THSD4: variants seen among roughly 807,000 people sequenced by gnomAD.
THSD4 encodes thrombospondin type 1 domain containing 4, also known as thrombospondin type-1 domain-containing protein 4.
A neutral mutation model predicts 119.0 loss-of-function variants in THSD4; 69 were observed. The ratio of observed to expected loss-of-function variants is 0.58; its 90% CI spans 0.48 to 0.71. The LOEUF (loss-of-function observed/expected upper bound fraction) is 0.71. Ranked by LOEUF, THSD4 falls within the 30% of genes least tolerant of loss-of-function variation. The pLI is 0.00. For missense variants in THSD4, 1,393 were observed against 1,391.1 expected (o/e 1.00, Z -0.02); for synonymous variants, 524 against 540.4 (o/e 0.97, Z 0.42).
At chr15:71,445,910 A>C (rs1038020547) in intron 7 of THSD4, among the ~76,000 whole-genome samples, 2 of 152,248 alleles carry the variant, frequency 1.3e-5, no homozygotes, top group Non-Finnish European at 2.9e-5. Flanking sequence ...GCTGAGCTTA[A>C]TTGTGGAGAT....
chr15:71,721,698 T>A (rs1296771817), intron 8 of THSD4, among the ~76,000 whole-genome samples: 1 of 147,488 alleles, frequency 6.8e-6, no homozygotes, highest in Non-Finnish European at 1.5e-5. Flanking sequence ...AATAAAAGAT[T>A]ATGGGATTAA....
chr15:71,657,531 C>G (rs1230677752), intron 7 of THSD4, among the ~76,000 whole-genome samples: 1 of 152,166 alleles, frequency 6.6e-6, no homozygotes, highest in Non-Finnish European at 1.5e-5. Context: ...GTCCCTCTTG[C>G]TTTGTGAAGT....
chr15:71,123,880 A>G (rs2040430861), intron 1 of THSD4, among the ~76,000 whole-genome samples: 1 of 152,226 alleles, frequency 6.6e-6, no homozygotes, highest in Non-Finnish European at 1.5e-5. Context: ...TGGAGCGTGC[A>G]TTTACTTGAT....
intron 4 of THSD4, among the ~76,000 whole-genome samples, chr15:71,227,607 T>C (rs2044028842): frequency 6.6e-6 from 1 of 152,212 alleles, no homozygotes; most frequent in African/African-American, 2.4e-5. Context: ...TGACATGTAC[T>C]ATTTGAGCCT....
intron 7 of THSD4, among the ~76,000 whole-genome samples, chr15:71,546,100 C>T (rs1199274562): frequency 6.6e-6 from 1 of 152,166 alleles, no homozygotes; most frequent in African/African-American, 2.4e-5. Flanking sequence ...TGATAGTCAT[C>T]ATAACCATAG....
intron 7 of THSD4, among the ~76,000 whole-genome samples, chr15:71,490,236 C>A (rs1180437810): frequency 6.6e-6 from 1 of 151,920 alleles, no homozygotes; most frequent in Non-Finnish European, 1.5e-5. Flanking sequence ...ACCAGTCTGG[C>A]CAACACAGTG....
chr15:71,472,345 G>C (rs2140643103), intron 7 of THSD4, among the ~76,000 whole-genome samples: 1 of 152,200 alleles, frequency 6.6e-6, no homozygotes, highest in Non-Finnish European at 1.5e-5. Context: ...TATGTATTAG[G>C]CCTTCAATAC....
At chr15:71,145,813 G>A (rs2040653204) in intron 2 of THSD4, among the ~76,000 whole-genome samples, 1 of 152,032 alleles carries the variant, frequency 6.6e-6, no homozygotes, top group Admixed American at 6.6e-5. Context: ...CAGGAAATGG[G>A]GAGAAAGAGG....
intron 6 of THSD4, among the ~76,000 whole-genome samples, chr15:71,351,672 T>C (rs1484065229): frequency 6.6e-6 from 1 of 152,192 alleles, no homozygotes; most frequent in African/African-American, 2.4e-5. Flanking sequence ...AATGTCTTAT[T>C]GAGACTGTCA....
intron 7 of THSD4, among the ~76,000 whole-genome samples, chr15:71,437,181 C>G (rs1052999192): frequency 4.5e-4 from 68 of 152,168 alleles, no homozygotes; most frequent in African/African-American, 1.6e-3. Flanking sequence ...GGGGGAGACT[C>G]TTTTAAGCAA....
At chr15:71,454,508 G>A (rs1258084144) in intron 7 of THSD4, among the ~76,000 whole-genome samples, 2 of 152,172 alleles carry the variant, frequency 1.3e-5, no homozygotes, top group South Asian at 2.1e-4. Flanking sequence ...CAAGGAGCCC[G>A]AGGCCCCGCG....
chr15:71,506,674 T>G (rs1036969913), intron 7 of THSD4, among the ~76,000 whole-genome samples: 1 of 152,014 alleles, frequency 6.6e-6, no homozygotes, highest in African/African-American at 2.4e-5. Flanking sequence ...GATGATCCCA[T>G]TGTATCCCAC....
At chr15:71,577,709 A>ATTTTATTTTATTTTAT (rs1555428637) in intron 7 of THSD4, among the ~76,000 whole-genome samples, 1 of 109,554 alleles carries the variant, frequency 9.1e-6, no homozygotes, top group South Asian at 3.5e-4. Flanking sequence ...ACCTTTATTT[A>ATTTTATTTTATTTTAT]TTTATTTTAT....
intron 14 of THSD4, among the ~76,000 whole-genome samples, chr15:71,750,119 G>A (rs1403494751): frequency 6.6e-6 from 1 of 152,138 alleles, no homozygotes; most frequent in African/African-American, 2.4e-5. Flanking sequence ...AAAAGACAGA[G>A]GAGCCCAGCC....
At chr15:71,578,450 T>C (rs967352108) in intron 7 of THSD4, among the ~76,000 whole-genome samples, 8 of 152,170 alleles carry the variant, frequency 5.3e-5, no homozygotes, top group Non-Finnish European at 1.2e-4. Context: ...TTTTAATGGT[T>C]AAATTATATA....
intron 8 of THSD4, among the ~76,000 whole-genome samples, chr15:71,701,398 GACTC>G (rs1246220594): frequency 1.3e-5 from 2 of 152,100 alleles, no homozygotes; most frequent in Admixed American, 6.5e-5. Flanking sequence ...AGAAGTTTGT[GACTC>G]ACTAAGTATT....
rs58433075 is a variant in THSD4, at chr15:71,395,914, G to GACACACAC, written c.1016-15741_1016-15734dup. On this transcript the variant is annotated intron_variant, in intron 6 of 17. Transcript: ENST00000261862. ...TCTGCTTCTCAGTGTTTTGAAGAGA[G>GACACACAC]ACACACACACACACACACACACACA... Among the ~76,000 whole-genome samples the GACACACAC allele has an allele frequency of 8.5e-3, 1,138 of 133,362 alleles. 12 individuals are homozygous for GACACACAC. The highest frequency in any genetic ancestry group is 0.024 in the African/African-American group (820 of 34,652). 87.5% of individuals were successfully genotyped at this position (133,362 alleles called of 152,430 possible). A position where few individuals can be genotyped will look rare whatever the true frequency, so the allele number is the denominator to read the frequency against.
At chr15:71,615,061 G>T (rs532609072) in intron 7 of THSD4, among the ~76,000 whole-genome samples, 1 of 152,212 alleles carries the variant, frequency 6.6e-6, no homozygotes, top group African/African-American at 2.4e-5. Context: ...GAAAGAGCTG[G>T]CATTCAGAAT....
intron 5 of THSD4, among the ~76,000 whole-genome samples, chr15:71,249,104 CAT>C (rs933131527): frequency 6.6e-5 from 10 of 151,824 alleles, no homozygotes; most frequent in African/African-American, 1.7e-4. Flanking sequence ...CCTTTTCATA[CAT>C]ATATATATAC....
Sources: allele counts gnomAD v4.1 joint callset (sites outside exome capture counted in the v4.1 genomes callset), GRCh38; gene constraint gnomAD v4.1.1; transcripts MANE v1.5; gene names NCBI Gene and HGNC (gene_info 2026-07-23, HGNC 2026-07-21).